ROBO2: variants seen among roughly 807,000 people sequenced by gnomAD.
ROBO2 encodes the protein roundabout homolog 2.
ROBO2 carries 53 observed loss-of-function variants against 160.8 expected under a neutral mutation model. The observed-to-expected ratio is 0.33, with a 90% confidence interval of 0.26 to 0.41. The LOEUF (loss-of-function observed/expected upper bound fraction) is 0.41. Ranked by LOEUF, ROBO2 falls within the 10% of genes least tolerant of loss-of-function variation. The pLI, the probability that ROBO2 is intolerant of heterozygous loss-of-function variation, is 1.00. For synonymous variants in ROBO2, 664 were observed against 611.7 expected (o/e 1.09, Z -1.26); for missense variants, 1,577 against 1,722.4 (o/e 0.92, Z 1.49).
chr3:77,430,342 TTTTGTGTGTG>T (rs1333062619), intron 2 of ROBO2, among the ~76,000 whole-genome samples: 1 of 152,140 alleles, frequency 6.6e-6, no homozygotes, highest in South Asian at 2.1e-4. Flanking sequence ...TTGATATGGC[TTTTGTGTGTG>T]TTTGTGTGTT....
chr3:76,560,490 C>A (rs964810823), intron 2 of ROBO2, among the ~76,000 whole-genome samples: 5 of 151,698 alleles, frequency 3.3e-5, no homozygotes, highest in East Asian at 2.0e-4. Flanking sequence ...GTGTCTGACA[C>A]AACAAATGTC....
At chr3:77,577,521 A>G (rs367756372) in exon 15 of ROBO2, 2 of 1,613,270 alleles carry the variant, frequency 1.2e-6, no homozygotes, top group African/African-American at 2.7e-5. Context: ...CTGTCACTGT[A>G]CTGACAGTTG....
In ROBO2 at chr3:77,264,894, G is replaced by A. The variant is rs140849424; in HGVS notation, c.388+166554G>A. Among the ~76,000 whole-genome samples, 26 of 152,250 alleles carry A rather than the reference G, an allele frequency of 1.7e-4. 1 individual carries two copies. In the East Asian group the frequency reaches 5.0e-3, roughly 29 times the overall value. Reference sequence around the variant, plus strand: ...ATATTATATTTCAACATTTTTAAAAGCTATAATGCGGCCTGTTCCTTTAGG... The same window carrying A: ...ATATTATATTTCAACATTTTTAAAAACTATAATGCGGCCTGTTCCTTTAGG... On this transcript the variant is annotated intron_variant, in intron 2 of 25. Transcript: ENST00000461745.
intron 2 of ROBO2, among the ~76,000 whole-genome samples, chr3:76,397,857 A>G (rs1293509237): frequency 2.0e-5 from 3 of 151,286 alleles, no homozygotes; most frequent in Admixed American, 6.6e-5. Context: ...AGAAATAGGA[A>G]CACTTTTACA....
At chr3:77,343,538 C>G (rs560215052) in intron 2 of ROBO2, among the ~76,000 whole-genome samples, 46 of 152,092 alleles carry the variant, frequency 3.0e-4, no homozygotes, top group Non-Finnish European at 5.7e-4. Context: ...GGTTGCCCAA[C>G]CATATGCAGG....
intron 2 of ROBO2, among the ~76,000 whole-genome samples, chr3:76,693,632 T>C (rs897218137): frequency 2.0e-5 from 3 of 152,098 alleles, no homozygotes; most frequent in Non-Finnish European, 4.4e-5. Context: ...AGTCCAAGTC[T>C]GAAGGCCTGA....
At chr3:77,289,387 A>G in intron 2 of ROBO2, among the ~76,000 whole-genome samples, 1 of 152,078 alleles carries the variant, frequency 6.6e-6, no homozygotes, top group South Asian at 2.1e-4. Flanking sequence ...CCCCAGACAT[A>G]AAGTAAAATT....
intron 2 of ROBO2, among the ~76,000 whole-genome samples, chr3:77,027,125 A>G (rs886528269): frequency 6.6e-6 from 1 of 152,210 alleles, no homozygotes; most frequent in Non-Finnish European, 1.5e-5. Flanking sequence ...TCTGGAGACA[A>G]GGCAAAATAT....
chr3:76,498,824 G>A (rs2080303779), intron 2 of ROBO2, among the ~76,000 whole-genome samples: 1 of 151,948 alleles, frequency 6.6e-6, no homozygotes. Context: ...GAATAGCTGG[G>A]ATTACAGGAA....
At chr3:77,368,126 C>T (rs1375582106) in intron 2 of ROBO2, among the ~76,000 whole-genome samples, 1 of 152,074 alleles carries the variant, frequency 6.6e-6, no homozygotes, top group Non-Finnish European at 1.5e-5. Flanking sequence ...AGATTCTGGT[C>T]ATAAGTTTTT....
chr3:76,027,679 G>A (rs962379614), intron 2 of ROBO2, among the ~76,000 whole-genome samples: 24 of 151,884 alleles, frequency 1.6e-4, no homozygotes, highest in African/African-American at 5.6e-4. Context: ...AACATTTGGA[G>A]GAAAAGCTAA....
chr3:75,982,914 T>G (rs534394660), intron 2 of ROBO2, among the ~76,000 whole-genome samples: 222 of 151,602 alleles, frequency 1.5e-3, no homozygotes, highest in African/African-American at 4.9e-3. Context: ...ATGATAAAAT[T>G]AGCTTACTTT....
chr3:76,069,808 G>A (rs1380701983), intron 2 of ROBO2, among the ~76,000 whole-genome samples: 4 of 152,208 alleles, frequency 2.6e-5, no homozygotes, highest in Non-Finnish European at 4.4e-5. Context: ...CAGGGACCCT[G>A]AACGAAGGGA....
chr3:76,679,131 C>G (rs1002056111), intron 2 of ROBO2, among the ~76,000 whole-genome samples: 9 of 152,078 alleles, frequency 5.9e-5, no homozygotes, highest in African/African-American at 2.2e-4. Context: ...AAAATTTTGG[C>G]TTTTCCTCCA....
chr3:77,111,767 T>C (rs1012890467), intron 2 of ROBO2, among the ~76,000 whole-genome samples: 1 of 152,142 alleles, frequency 6.6e-6, no homozygotes, highest in African/African-American at 2.4e-5. Context: ...GTAGAGTGCA[T>C]TATGGAGCTG....
intron 2 of ROBO2, among the ~76,000 whole-genome samples, chr3:76,146,821 T>C (rs2071917228): frequency 7.9e-6 from 1 of 126,796 alleles, no homozygotes; most frequent in Non-Finnish European, 1.6e-5. Flanking sequence ...GTGGTAATGA[T>C]AGAATTCTAA....
chr3:76,512,322 G>GTA (rs3043037), intron 2 of ROBO2, among the ~76,000 whole-genome samples: 71,095 of 140,268 alleles, frequency 0.51, 18,518 homozygotes, highest in East Asian at 0.63. Context: ...ATATATATAT[G>GTA]TATATATATA....
intron 2 of ROBO2, among the ~76,000 whole-genome samples, chr3:77,402,994 G>A (rs566628387): frequency 9.2e-5 from 14 of 152,220 alleles, no homozygotes; most frequent in African/African-American, 3.4e-4. Context: ...TTTCTGAGGA[G>A]GCAAGAATTG....
chr3:77,085,869 C>G (rs1403566909), intron 1 of ROBO2, among the ~76,000 whole-genome samples: 1 of 152,060 alleles, frequency 6.6e-6, no homozygotes, highest in African/African-American at 2.4e-5. Context: ...TCTCTTGAAA[C>G]TACTGGTAAA....
Sources: gnomAD v4.1 joint callset for allele counts (sites outside exome capture counted in the v4.1 genomes callset) on GRCh38, gnomAD v4.1.1 for gene constraint, MANE v1.5 for transcripts, NCBI Gene and HGNC (gene_info 2026-07-23, HGNC 2026-07-21) for gene names.